TBC1D12: variants seen among roughly 807,000 people sequenced by gnomAD.
TBC1D12 encodes TBC1 domain family, member 12.
Under a neutral mutation model 86.7 loss-of-function variants are expected in TBC1D12, and 56 were observed. The ratio of observed to expected loss-of-function variants is 0.65; its 90% CI spans 0.52 to 0.81. The LOEUF (loss-of-function observed/expected upper bound fraction) is 0.81, where lower values mean the gene tolerates loss of function less well. TBC1D12 is among the 30% of genes least tolerant of loss of function. TBC1D12 has a pLI of 0.00. For synonymous variants in TBC1D12, 421 were observed against 411.7 expected, an observed-to-expected ratio of 1.02 and a Z score of -0.27; for missense variants, 1,023 against 1,038.8, an observed-to-expected ratio of 0.98 and a Z score of 0.21.
chr10:94,518,525 G>A (rs923777089), intron 9 of TBC1D12, among the ~76,000 whole-genome samples: 1 of 152,110 alleles, frequency 6.6e-6, no homozygotes, highest in Non-Finnish European at 1.5e-5. Flanking sequence ...CTAGCTGTTT[G>A]CGGAACGACC....
At chr10:94,523,180 G>A (rs894320146) in intron 11 of TBC1D12, among the ~76,000 whole-genome samples, 3 of 99,174 alleles carry the variant, frequency 3.0e-5, no homozygotes, top group Admixed American at 1.6e-4. Flanking sequence ...ACAACAGAGC[G>A]AAACTCTATC....
rs1160772094 is a variant in TBC1D12, at chr10:94,535,803, AT to A, written c.*2714del. Reference sequence around the variant, plus strand: ...CTAAGTTACTGTATTTGTTTTTCTTATTTTTTTATTATTGTACAGTTTCTTT... The same window carrying A: ...CTAAGTTACTGTATTTGTTTTTCTTATTTTTTATTATTGTACAGTTTCTTT... On this transcript the variant is annotated 3_prime_UTR_variant, in exon 13 of 13. Transcript: ENST00000225235. 6.6e-6 allele frequency: 1 copy of A among 151,992 alleles called. No individual in the cohort carries two copies. The highest frequency in any genetic ancestry group is 2.4e-5 in the African/African-American group (1 of 41,388). The allele number at this position is 151,992 out of a possible 1,614,324, so 9.4% of individuals were successfully genotyped here.
intron 3 of TBC1D12, among the ~76,000 whole-genome samples, chr10:94,487,722 G>T (rs2056188178): frequency 1.5e-5 from 2 of 131,924 alleles, no homozygotes; most frequent in Non-Finnish European, 1.6e-5. Flanking sequence ...TTTGAGACAA[G>T]GTCTTGCTCT....
chr10:94,452,508 A>G (rs906828958), intron 2 of TBC1D12, among the ~76,000 whole-genome samples: 2 of 152,158 alleles, frequency 1.3e-5, no homozygotes, highest in Non-Finnish European at 2.9e-5. Context: ...TGCCTTTTCC[A>G]GACTATTATG....
chr10:94,417,041 G>T (rs2055008576), intron 1 of TBC1D12, among the ~76,000 whole-genome samples: 1 of 152,142 alleles, frequency 6.6e-6, no homozygotes, highest in Admixed American at 6.6e-5. Context: ...AATTTGAACT[G>T]ATTCAGTGAG....
chr10:94,500,437 T>A, intron 6 of TBC1D12, 110 bp downstream of exon 6: 3 of 763,554 alleles, frequency 3.9e-6, no homozygotes, highest in Non-Finnish European at 3.9e-6. Flanking sequence ...TCATATATAA[T>A]GTCATTTTAA....
intron 7 of TBC1D12, among the ~76,000 whole-genome samples, 192 bp downstream of exon 7, chr10:94,507,539 T>A (rs1345869498): frequency 6.6e-6 from 1 of 152,190 alleles, no homozygotes; most frequent in Non-Finnish European, 1.5e-5. Flanking sequence ...CTTAGCTATG[T>A]CAGCTATTTG....
At chr10:94,438,709 C>T (rs2055338383) in intron 1 of TBC1D12, among the ~76,000 whole-genome samples, 1 of 152,060 alleles carries the variant, frequency 6.6e-6, no homozygotes, top group Non-Finnish European at 1.5e-5. Flanking sequence ...GTAGCCTCTT[C>T]CTTCATCAAG....
At chr10:94,403,868 T>G (rs12248430) in intron 1 of TBC1D12, among the ~76,000 whole-genome samples, 6,098 of 152,282 alleles carry the variant, frequency 0.04, 428 homozygotes, top group African/African-American at 0.14. Flanking sequence ...ACCTGGCTTC[T>G]GAGCAGTCAG....
In TBC1D12 at chr10:94,488,303, G is replaced by A. The variant is rs546085296; in HGVS notation, c.1212-5062G>A. Among the ~76,000 whole-genome samples the A allele has an allele frequency of 6.0e-5, 9 of 150,638 alleles. No homozygotes were observed. The South Asian group carries it at 1.3e-3, about 21-fold the overall frequency. The stretch of plus-strand genomic sequence containing the variant: ...CTTGGGAGACTGAGGCAGGAGAATC[G>A]CTTCAACATGGGAGGCGGAGGCTGC... On this transcript the variant is annotated intron_variant, in intron 3 of 12. Coordinates refer to ENST00000225235, the MANE Select transcript of TBC1D12 (RefSeq NM_015188.2).
chr10:94,405,290 T>C (rs1368537961), intron 1 of TBC1D12, among the ~76,000 whole-genome samples: 1 of 152,182 alleles, frequency 6.6e-6, no homozygotes, highest in African/African-American at 2.4e-5. Flanking sequence ...TTAGCGTACA[T>C]ATTGTAGACA....
chr10:94,534,133 T>G lies in TBC1D12; in HGVS notation c.*1037T>G, dbSNP rs1217367014. 1 of 152,124 alleles carries G rather than the reference T, an allele frequency of 6.6e-6. No individual in the cohort carries two copies. The highest frequency in any genetic ancestry group is 2.4e-5 in the African/African-American group (1 of 41,434). The allele number at this position is 152,124 out of a possible 1,614,324, so 9.4% of individuals were successfully genotyped here. A position where few individuals can be genotyped will look rare whatever the true frequency, so the allele number is the denominator to read the frequency against. Reference sequence around the variant, plus strand: ...GAATAAAAGAAAAAGGTAAAGTTAATTTTTTTTCTAAGTCTACATCCTATC... The same window carrying G: ...GAATAAAAGAAAAAGGTAAAGTTAAGTTTTTTTCTAAGTCTACATCCTATC... On this transcript the variant is annotated 3_prime_UTR_variant, in exon 13 of 13. Coordinates refer to ENST00000225235, the MANE Select transcript of TBC1D12 (RefSeq NM_015188.2).
intron 1 of TBC1D12, among the ~76,000 whole-genome samples, chr10:94,438,274 T>C (rs767390411): frequency 4.6e-5 from 7 of 152,100 alleles, no homozygotes; most frequent in Non-Finnish European, 5.9e-5. Flanking sequence ...TTACAAGCTA[T>C]TTTCACAAAG....
chr10:94,449,038 CAA>C (rs2055511739), intron 2 of TBC1D12, among the ~76,000 whole-genome samples: 1 of 151,958 alleles, frequency 6.6e-6, no homozygotes, highest in African/African-American at 2.4e-5. Flanking sequence ...GTATGATCCT[CAA>C]GAGAGAAGCC....
At chr10:94,518,380 A>G (rs1023044339) in intron 9 of TBC1D12, among the ~76,000 whole-genome samples, 1 of 151,748 alleles carries the variant, frequency 6.6e-6, no homozygotes, top group Non-Finnish European at 1.5e-5. Flanking sequence ...TGCCTGGCTA[A>G]TTTTTGTATT....
At chr10:94,454,904 TCC>T (rs1164408153) in intron 2 of TBC1D12, among the ~76,000 whole-genome samples, 2 of 152,334 alleles carry the variant, frequency 1.3e-5, no homozygotes, top group African/African-American at 4.8e-5. Context: ...AACTAGGACT[TCC>T]AGAACAATGT....
At chr10:94,410,423 C>G (rs902727473) in intron 1 of TBC1D12, among the ~76,000 whole-genome samples, 3 of 151,830 alleles carry the variant, frequency 2.0e-5, no homozygotes, top group Non-Finnish European at 4.4e-5. Context: ...TCTTTTGTTT[C>G]AGAGATGAGG....
chr10:94,521,004 AC>A (rs1842136997), intron 9 of TBC1D12, among the ~76,000 whole-genome samples: 1 of 152,102 alleles, frequency 6.6e-6, no homozygotes, highest in Non-Finnish European at 1.5e-5. Flanking sequence ...AGTCCATTAT[AC>A]AAATCTCTTC....
At chr10:94,525,184 G>A (rs1448010310) in intron 11 of TBC1D12, among the ~76,000 whole-genome samples, 2 of 152,048 alleles carry the variant, frequency 1.3e-5, no homozygotes, top group African/African-American at 2.4e-5. Flanking sequence ...AAGAGAGGTG[G>A]GATTTTAGAA....
Sources: gnomAD v4.1 joint callset for allele counts (sites outside exome capture counted in the v4.1 genomes callset) on GRCh38, gnomAD v4.1.1 for gene constraint, MANE v1.5 for transcripts, NCBI Gene and HGNC (gene_info 2026-07-23, HGNC 2026-07-21) for gene names.